The following GAREM1 variants were observed in gnomAD, a reference collection of about 807,000 sequenced individuals.
GAREM1 encodes GRB2-associated and regulator of MAPK protein 1.
GAREM1 carries 26 observed loss-of-function variants against 71.3 expected under a neutral mutation model. The observed-to-expected ratio is 0.36, with a 90% confidence interval of 0.27 to 0.51. GAREM1 has a LOEUF of 0.51. Among genes scored for constraint, GAREM1 ranks in the 20% least tolerant of loss-of-function variants. The probability of loss-of-function intolerance (pLI) is 0.95; values close to 1 mark genes in which losing one functional copy is unlikely to be tolerated. For missense variants in GAREM1, 1,026 were observed against 1,103.1 expected, an observed-to-expected ratio of 0.93 and a Z score of 0.99; for synonymous variants, 440 against 433.2, an observed-to-expected ratio of 1.02 and a Z score of -0.20.
intron 1 of GAREM1, among the ~76,000 whole-genome samples, chr18:32,443,580 A>G (rs76365059): frequency 0.012 from 1,845 of 152,244 alleles, 35 homozygotes; most frequent in African/African-American, 0.042. Context: ...AAAACCACAA[A>G]GAGATACCAC....
chr18:32,468,960 T>TTCCCCCCCCCCCCCC (rs2049023776), intron 1 of GAREM1, among the ~76,000 whole-genome samples: 1 of 82,164 alleles, frequency 1.2e-5, no homozygotes, highest in Non-Finnish European at 2.4e-5. Flanking sequence ...CACCTGTGCG[T>TTCCCCCCCCCCCCCC]CCCCCCCCCC....
At chr18:32,320,138 C>T (rs540117220) in intron 2 of GAREM1, among the ~76,000 whole-genome samples, 1 of 152,280 alleles carries the variant, frequency 6.6e-6, no homozygotes, top group East Asian at 1.9e-4. Flanking sequence ...TTTCCTCATG[C>T]TTTTCCTAAT....
chr18:32,309,731 T>C (rs1171933318), intron 3 of GAREM1, among the ~76,000 whole-genome samples: 1 of 151,516 alleles, frequency 6.6e-6, no homozygotes, highest in Non-Finnish European at 1.5e-5. Flanking sequence ...AAATAGATAG[T>C]CCACAAAGAA....
chr18:32,454,787 C>T (rs2048871892), intron 1 of GAREM1, among the ~76,000 whole-genome samples: 1 of 152,100 alleles, frequency 6.6e-6, no homozygotes, highest in South Asian at 2.1e-4. Context: ...AGAGTGTGTG[C>T]ACCTGTGTGT....
intron 2 of GAREM1, among the ~76,000 whole-genome samples, chr18:32,363,995 C>CATATATATATATATCTATATATATATAT (rs2047893651): frequency 4.7e-5 from 1 of 21,330 alleles, no homozygotes; most frequent in Non-Finnish European, 8.5e-5. Flanking sequence ...TACATATATA[C>CATATATATATATATCTATATATATATAT]ATATATATAT....
chr18:32,348,193 T>C (rs1267596390), intron 2 of GAREM1, among the ~76,000 whole-genome samples: 1 of 152,170 alleles, frequency 6.6e-6, no homozygotes, highest in Non-Finnish European at 1.5e-5. Flanking sequence ...AGTTTATGAA[T>C]TGGAATTCAG....
chr18:32,463,568 C>CTTT (rs138799660), intron 1 of GAREM1, among the ~76,000 whole-genome samples: 10 of 131,706 alleles, frequency 7.6e-5, no homozygotes, highest in South Asian at 2.4e-4. Context: ...TTTTAAATCA[C>CTTT]TTTTTTTTTT....
At chr18:32,469,969 C>T (rs2049033944) in intron 1 of GAREM1, among the ~76,000 whole-genome samples, 1 of 152,216 alleles carries the variant, frequency 6.6e-6, no homozygotes, top group African/African-American at 2.4e-5. Flanking sequence ...CCTAAGATAA[C>T]TCTTCAGGGT....
chr18:32,320,957 T>C (rs1411726874), intron 2 of GAREM1, among the ~76,000 whole-genome samples: 1 of 152,208 alleles, frequency 6.6e-6, no homozygotes, highest in Non-Finnish European at 1.5e-5. Context: ...GGCACTTCTT[T>C]CCTTGAAATC....
At chr18:32,392,154 C>T (rs976866809) in intron 2 of GAREM1, among the ~76,000 whole-genome samples, 3 of 151,244 alleles carry the variant, frequency 2.0e-5, no homozygotes, top group Non-Finnish European at 4.4e-5. Flanking sequence ...AGGCTAAGAT[C>T]CTTTATATAA....
At chr18:32,314,521 A>G (rs1193324099) in intron 2 of GAREM1, among the ~76,000 whole-genome samples, 2 of 152,096 alleles carry the variant, frequency 1.3e-5, no homozygotes, top group African/African-American at 4.8e-5. Context: ...TGACCATTCA[A>G]CAACTCCTAG....
At chr18:32,323,295 A>C (rs1274073096) in intron 2 of GAREM1, among the ~76,000 whole-genome samples, 1 of 152,182 alleles carries the variant, frequency 6.6e-6, no homozygotes. Context: ...TGAATGGGTT[A>C]ATGTTGGTCA....
chr18:32,326,454 C>T (rs1440379489), intron 2 of GAREM1, among the ~76,000 whole-genome samples: 1 of 152,158 alleles, frequency 6.6e-6, no homozygotes, highest in East Asian at 1.9e-4. Flanking sequence ...AAAGGCCCTA[C>T]ATTGTAGAGA....
intron 2 of GAREM1, among the ~76,000 whole-genome samples, chr18:32,310,938 T>C (rs544814483): frequency 6.6e-6 from 1 of 152,318 alleles, no homozygotes; most frequent in African/African-American, 2.4e-5. Flanking sequence ...AGCTGTCTGG[T>C]GAGCTTCCTC....
intron 1 of GAREM1, among the ~76,000 whole-genome samples, chr18:32,394,083 A>T (rs2048228566): frequency 6.6e-6 from 1 of 152,208 alleles, no homozygotes; most frequent in Admixed American, 6.5e-5. Context: ...AAAATGTCTA[A>T]TTTGTTTCCA....
intron 2 of GAREM1, among the ~76,000 whole-genome samples, chr18:32,377,634 G>A (rs912654708): frequency 6.6e-6 from 1 of 152,220 alleles, no homozygotes; most frequent in African/African-American, 2.4e-5. Context: ...CGCGATCTCA[G>A]CTCATTGCAA....
chr18:32,283,166 T>C (rs1026294113), intron 4 of GAREM1, among the ~76,000 whole-genome samples: 1 of 152,220 alleles, frequency 6.6e-6, no homozygotes, highest in Non-Finnish European at 1.5e-5. Context: ...CCAGGAACTG[T>C]TTACTTTTCC....
At chr18:32,339,239 A>G (rs1169371483) in intron 2 of GAREM1, among the ~76,000 whole-genome samples, 1 of 152,132 alleles carries the variant, frequency 6.6e-6, no homozygotes, top group Non-Finnish European at 1.5e-5. Context: ...ATGAATATTT[A>G]TTTCATATTG....
chr18:32,306,638 G>A (rs2047258601), intron 3 of GAREM1, among the ~76,000 whole-genome samples: 1 of 152,134 alleles, frequency 6.6e-6, no homozygotes, highest in Non-Finnish European at 1.5e-5. Flanking sequence ...AGAAGATGAT[G>A]AGCCCCAACT....
Sources: gnomAD v4.1 joint callset for allele counts (sites outside exome capture counted in the v4.1 genomes callset) on GRCh38, gnomAD v4.1.1 for gene constraint, MANE v1.5 for transcripts, NCBI Gene and HGNC (gene_info 2026-07-23, HGNC 2026-07-21) for gene names.